Variants in NRG1 observed in about 807,000 individuals in gnomAD.
NRG1 encodes pro-neuregulin-1, membrane-bound isoform.
In NRG1, 18 loss-of-function variants were observed where a neutral mutation model predicts 63.8. That is an observed-to-expected ratio of 0.28 (90% CI 0.19 to 0.42). The LOEUF is 0.42. Among genes scored for constraint, NRG1 ranks in the 10% least tolerant of loss-of-function variants. The pLI is 1.00. For missense variants in NRG1, 762 were observed against 814.7 expected (o/e 0.94, Z 0.79); for synonymous variants, 302 against 301.3 (o/e 1.00, Z -0.02).
At chr8:32,498,783 C>A (rs1185271875) in intron 1 of NRG1, among the ~76,000 whole-genome samples, 1 of 152,018 alleles carries the variant, frequency 6.6e-6, no homozygotes, top group African/African-American at 2.4e-5. Context: ...CTTTTTTCTT[C>A]CTGATGGTGT....
chr8:32,719,192 A>G (rs1241968090), intron 5 of NRG1, among the ~76,000 whole-genome samples: 1 of 152,152 alleles, frequency 6.6e-6, no homozygotes, highest in Non-Finnish European at 1.5e-5. Context: ...TTACAATATA[A>G]AGACATGTTT....
intron 1 of NRG1, among the ~76,000 whole-genome samples, chr8:32,287,833 CA>C (rs1853720185): frequency 6.6e-6 from 1 of 152,170 alleles, no homozygotes; most frequent in African/African-American, 2.4e-5. Context: ...TTGTTTTAAG[CA>C]GTTCCTTGTT....
intron 1 of NRG1, among the ~76,000 whole-genome samples, chr8:32,459,120 T>C (rs1407992850): frequency 6.6e-6 from 1 of 152,192 alleles, no homozygotes; most frequent in East Asian, 1.9e-4. Context: ...GGCTGTCCAG[T>C]CGGCATCTCC....
chr8:31,650,499 C>G (rs887567242), intron 1 of NRG1, among the ~76,000 whole-genome samples: 6 of 152,146 alleles, frequency 3.9e-5, no homozygotes, highest in African/African-American at 1.4e-4. Context: ...TCCTCTGCCT[C>G]GATCTTCTTC....
chr8:31,707,870 G>C (rs1437727294), intron 1 of NRG1, among the ~76,000 whole-genome samples: 3 of 151,908 alleles, frequency 2.0e-5, no homozygotes, highest in African/African-American at 7.3e-5. Context: ...TAATTCCTTT[G>C]TTTTCCTCTT....
At chr8:32,548,902 G>GGCCTCTCCCTCC in intron 1 of NRG1, 76 bp downstream of exon 1, 1 of 1,467,048 alleles carries the variant, frequency 6.8e-7, no homozygotes, top group Non-Finnish European at 9.0e-7. Context: ...CGGATGCCGT[G>GGCCTCTCCCTCC]GCCTCTCCCT....
intron 1 of NRG1, among the ~76,000 whole-genome samples, chr8:32,028,247 G>A (rs1407037891): frequency 2.6e-5 from 4 of 152,066 alleles, no homozygotes; most frequent in Non-Finnish European, 4.4e-5. Flanking sequence ...CCTGAATGTG[G>A]TTTCTTTCTT....
Position 32,653,522 on chromosome 8 carries a change from T to C in NRG1, c.502+36637T>C, listed in dbSNP as rs147911305. On this transcript the variant is annotated intron_variant, in intron 5 of 11. Coordinates refer to ENST00000356819, the Ensembl canonical transcript of NRG1. Reference sequence around the variant, plus strand: ...CTGAGTAGCCAGGGGTGATTCACCATATGGCACTATCTAATCAAACCATTG... The same window carrying C: ...CTGAGTAGCCAGGGGTGATTCACCACATGGCACTATCTAATCAAACCATTG... 7.7e-3 allele frequency among the ~76,000 whole-genome samples: 1,178 copies of C among 152,314 alleles called. 5 individuals carry two copies. Among genetic ancestry groups the C allele is most frequent in the Middle Eastern group, 0.024 (7 of 294 alleles).
At chr8:32,132,508 C>G (rs1585534669) in intron 1 of NRG1, among the ~76,000 whole-genome samples, 1 of 152,054 alleles carries the variant, frequency 6.6e-6, no homozygotes, top group African/African-American at 2.4e-5. Context: ...AGTGACAGAT[C>G]TACTTGGCCC....
chr8:32,324,645 T>C (rs1390391940), intron 1 of NRG1, among the ~76,000 whole-genome samples: 1 of 152,196 alleles, frequency 6.6e-6, no homozygotes, highest in Non-Finnish European at 1.5e-5. Flanking sequence ...TATGATTCAC[T>C]CTGAGGATTC....
chr8:31,893,864 T>C (rs1001502205), intron 1 of NRG1, among the ~76,000 whole-genome samples: 3 of 152,062 alleles, frequency 2.0e-5, no homozygotes, highest in Non-Finnish European at 4.4e-5. Flanking sequence ...TAAATACTTA[T>C]AAAAATCTGA....
At chr8:32,669,639 G>A (rs1805112480) in intron 5 of NRG1, among the ~76,000 whole-genome samples, 1 of 152,100 alleles carries the variant, frequency 6.6e-6, no homozygotes, top group Admixed American at 6.6e-5. Context: ...ATTTCTGGTG[G>A]ATTTCTTTGA....
At chr8:32,082,509 G>A (rs1827620859) in intron 1 of NRG1, among the ~76,000 whole-genome samples, 1 of 152,044 alleles carries the variant, frequency 6.6e-6, no homozygotes, top group East Asian at 1.9e-4. Flanking sequence ...AAGGATGTTG[G>A]CCTCCATTCT....
downstream of NRG1, among the ~76,000 whole-genome samples, chr8:32,772,946 C>G (rs1831903028): frequency 6.6e-6 from 1 of 152,164 alleles, no homozygotes; most frequent in African/African-American, 2.4e-5. Context: ...TCCATTCTCC[C>G]TTTACTTTTT....
chr8:32,730,092 T>G (rs899013625), intron 6 of NRG1, among the ~76,000 whole-genome samples: 1 of 152,138 alleles, frequency 6.6e-6, no homozygotes, highest in African/African-American at 2.4e-5. Flanking sequence ...TTCACGGAAA[T>G]AAATAATTTT....
intron 1 of NRG1, among the ~76,000 whole-genome samples, chr8:32,352,475 C>G (rs1040201073): frequency 6.6e-6 from 1 of 151,976 alleles, no homozygotes; most frequent in African/African-American, 2.4e-5. Flanking sequence ...AGTCCTAAAG[C>G]CTTCAAGACC....
rs140465578 is a variant in NRG1 at position 32,314,963 on chromosome 8, G to A, written c.38-280865G>A. On this transcript the variant is annotated intron_variant, in intron 1 of 10. Coordinates refer to the NRG1 transcript ENST00000519301. Reference sequence around the variant, plus strand: ...CACCAGGCTAATTCTGACTGTTCTGGTTTCACCGCGGATGTCACCTCCTCC... The same window carrying A: ...CACCAGGCTAATTCTGACTGTTCTGATTTCACCGCGGATGTCACCTCCTCC... 2.7e-3 allele frequency among the ~76,000 whole-genome samples: 411 copies of A among 152,242 alleles called. 9 individuals are homozygous for A. The highest frequency in any genetic ancestry group is 9.4e-3 in the African/African-American group (392 of 41,540).
At chr8:31,900,434 T>A (rs1270452395) in intron 1 of NRG1, among the ~76,000 whole-genome samples, 4 of 152,156 alleles carry the variant, frequency 2.6e-5, no homozygotes, top group East Asian at 1.9e-4. Flanking sequence ...CTTAAAATAA[T>A]CTCCTAGGGA....
At chr8:32,244,021 GCTGA>G (rs1402507593) in intron 1 of NRG1, among the ~76,000 whole-genome samples, 1 of 152,160 alleles carries the variant, frequency 6.6e-6, no homozygotes, top group Non-Finnish European at 1.5e-5. Flanking sequence ...AGCTGCCTGA[GCTGA>G]CTAAGACAGG....
Sources: gnomAD v4.1 joint callset for allele counts (sites outside exome capture counted in the v4.1 genomes callset) on GRCh38, gnomAD v4.1.1 for gene constraint, MANE v1.5 for transcripts, NCBI Gene and HGNC (gene_info 2026-07-23, HGNC 2026-07-21) for gene names.